Variants in ZZEF1 observed in about 807,000 individuals in gnomAD.
The protein encoded by ZZEF1 is zinc finger ZZ-type and EF-hand domain-containing protein 1.
ZZEF1 carries 157 observed loss-of-function variants against 342.8 expected under a neutral mutation model. The observed-to-expected ratio is 0.46, with a 90% CI of 0.40 to 0.52. The LOEUF (loss-of-function observed/expected upper bound fraction) is 0.52. ZZEF1 is among the 20% of genes least tolerant of loss of function. The pLI, the probability that ZZEF1 is intolerant of heterozygous loss-of-function variation, is 0.00. For missense variants in ZZEF1, 3,480 were observed against 3,725.6 expected, an observed-to-expected ratio of 0.93 and a Z score of 1.72; for synonymous variants, 1,505 against 1,429.1, an observed-to-expected ratio of 1.05 and a Z score of -1.20.
chr17:4,077,697 G>C (rs1420583054), intron 19 of ZZEF1, among the ~76,000 whole-genome samples, 186 bp downstream of exon 19: 1 of 152,134 alleles, frequency 6.6e-6, no homozygotes, highest in Non-Finnish European at 1.5e-5. Context: ...CACACTCAGA[G>C]AGTAAACTCT....
At chr17:4,134,902 C>A (rs1013775463) in intron 1 of ZZEF1, among the ~76,000 whole-genome samples, 1 of 152,066 alleles carries the variant, frequency 6.6e-6, no homozygotes, top group Admixed American at 6.5e-5. Context: ...GAGGGAGAGG[C>A]AATCTCAGGT....
At chr17:4,056,063 G>A (rs939835545) in intron 33 of ZZEF1, among the ~76,000 whole-genome samples, 153 bp downstream of exon 33, 5 of 152,158 alleles carry the variant, frequency 3.3e-5, no homozygotes, top group Admixed American at 1.3e-4. Flanking sequence ...GCCTGCATTC[G>A]GTCGCATTCA....
chr17:4,004,578 T>C lies in ZZEF1; in HGVS notation c.*2312A>G, dbSNP rs966242316. 1.3e-5 allele frequency: 2 copies of C among 152,544 alleles called. No homozygotes were observed. The highest frequency in any genetic ancestry group is 4.8e-5 in the African/African-American group (2 of 41,452). 9.4% of individuals were successfully genotyped at this position (152,544 alleles called of 1,614,324 possible). A position where few individuals can be genotyped will look rare whatever the true frequency, so the allele number is the denominator to read the frequency against. On this transcript the variant is annotated 3_prime_UTR_variant, in exon 55 of 55. Coordinates refer to ENST00000381638, the MANE Select transcript of ZZEF1 (RefSeq NM_015113.4). ...AATTCTTTCAACCAAATAAGAAAAA[T>C]TCAAAATCGTAAACCCGTAAGAAAA...
Position 4,013,445 on chromosome 17 carries a change from T to C in ZZEF1, c.8579+4A>G. ...AAAGGGCTGCCATCCGGGACACCGC[T>C]TACCTGTGGCCGCAGCATCGCACAA... On this transcript the variant is annotated splice_donor_region_variant and intron_variant, in intron 52 of 54. Transcript: ENST00000381638. The C allele has an allele frequency of 6.2e-7, 1 of 1,604,916 alleles. No individual in the cohort carries two copies. The highest frequency in any genetic ancestry group is 8.5e-7 in the Non-Finnish European group (1 of 1,174,288).
chr17:4,018,427 CTTTTT>C (rs1006979506), intron 46 of ZZEF1, among the ~76,000 whole-genome samples: 5 of 149,586 alleles, frequency 3.3e-5, no homozygotes, highest in Admixed American at 1.3e-4. Context: ...CCCTTCTCTC[CTTTTT>C]TTTTTAAATT....
chr17:4,071,046 A>G, intron 25 of ZZEF1, 122 bp from the exon 26 acceptor site: 2 of 1,199,966 alleles, frequency 1.7e-6, no homozygotes, highest in Non-Finnish European at 2.3e-6. Flanking sequence ...GGAAGTTTAA[A>G]TCTATTTTAG....
In ZZEF1 at chr17:4,014,602, A is replaced by G. The variant is rs1597755082; in HGVS notation, c.8146-87T>C. ...GTCCCATGCCGAGTCCTGTGGCTGG[A>G]CCCGGGTGTGTGAGAATGAGTGAAC... On this transcript the variant is annotated intron_variant, in intron 49 of 54. Transcript: ENST00000381638. This position sits in a 1 kb window ranked among gnomAD's most constrained non-coding sequence, Gnocchi z 4.4. 17 of 1,437,578 alleles carry G rather than the reference A, an allele frequency of 1.2e-5. No individual in the cohort carries two copies. The highest frequency in any genetic ancestry group is 1.6e-5 in the Non-Finnish European group (17 of 1,035,244). The allele number at this position is 1,437,578 out of a possible 1,614,324, so 89.1% of individuals were successfully genotyped here.
intron 52 of ZZEF1, among the ~76,000 whole-genome samples, chr17:4,010,492 A>C (rs989080571): frequency 2.6e-5 from 4 of 152,056 alleles, no homozygotes; most frequent in Non-Finnish European, 5.9e-5. Context: ...AGGCCAAGGC[A>C]GGCGGATCAC....
chr17:4,040,107 T>G (rs1041041680), intron 39 of ZZEF1, among the ~76,000 whole-genome samples: 3 of 152,214 alleles, frequency 2.0e-5, no homozygotes, highest in African/African-American at 7.2e-5. Flanking sequence ...TCTCATCGGT[T>G]GTTCTAGATG....
At chr17:4,066,018 T>A (rs553491067) in intron 28 of ZZEF1, among the ~76,000 whole-genome samples, 15 of 151,854 alleles carry the variant, frequency 9.9e-5, no homozygotes, top group South Asian at 2.1e-4. Context: ...GAAAAAAAAA[T>A]TTGCCAGGTG....
chr17:4,101,500 T>C (rs907203642), intron 9 of ZZEF1, among the ~76,000 whole-genome samples: 11 of 152,212 alleles, frequency 7.2e-5, no homozygotes, highest in African/African-American at 2.6e-4. Context: ...TATCACGAGA[T>C]AAGGAAAGAG....
chr17:4,064,243 G>C, intron 29 of ZZEF1, 118 bp downstream of exon 29: 1 of 846,148 alleles, frequency 1.2e-6, no homozygotes, highest in Admixed American at 2.6e-5. Flanking sequence ...TCTAAAACAA[G>C]TCTTGATCTA....
At chr17:4,022,652 C>A in intron 44 of ZZEF1, 57 bp downstream of exon 44, 2 of 1,610,170 alleles carry the variant, frequency 1.2e-6, no homozygotes, top group South Asian at 2.2e-5. Flanking sequence ...GCTTCTAACT[C>A]CTAGGCCAGC....
At chr17:4,020,986 ACAT>A in intron 45 of ZZEF1, 140 bp downstream of exon 45, 1 of 873,580 alleles carries the variant, frequency 1.1e-6, no homozygotes, top group South Asian at 1.8e-5. Flanking sequence ...ATTCTGCACA[ACAT>A]AAGACTGAGT....
chr17:4,076,157 A>C (rs992938232), intron 21 of ZZEF1: 2 of 55,340 alleles, frequency 3.6e-5, no homozygotes, highest in African/African-American at 1.8e-4. Context: ...TTTGAGACGG[A>C]GTCTCGCTCT....
rs147091115 is a variant in ZZEF1, at chr17:4,021,297, G to C, written c.7236C>G (p.Ser2412=). The C allele has an allele frequency of 7.4e-6, 12 of 1,611,476 alleles. No homozygotes were observed. The highest frequency in any genetic ancestry group is 1.3e-5 in the African/African-American group (1 of 74,506). ...DLEILSIMLY[S]SKKEINALAE... is the part of the protein sequence containing the mutation. ...CCAAAGCGTTGATCTCCTTTTTTGAGGAGTACAGCATGATGGACAAAATCT... is the reference window on the plus strand; with the variant it reads ...CCAAAGCGTTGATCTCCTTTTTTGACGAGTACAGCATGATGGACAAAATCT... Residue 2412 remains serine, a synonymous_variant, in exon 45 of 55, where the codon TCC becomes TCG. Coordinates refer to ENST00000381638, the MANE Select transcript of ZZEF1 (RefSeq NM_015113.4).
At chr17:4,054,263 C>T in intron 33 of ZZEF1, 68 bp from the exon 34 acceptor site, 1 of 1,516,040 alleles carries the variant, frequency 6.6e-7, no homozygotes, top group Admixed American at 1.8e-5. Flanking sequence ...CTAATCAATT[C>T]CTCCATTCAC....
intron 54 of ZZEF1, 145 bp from the exon 55 acceptor site, chr17:4,007,115 G>A: frequency 1.5e-6 from 1 of 688,934 alleles, no homozygotes; most frequent in Admixed American, 3.0e-5. Context: ...GGCCTGCAGA[G>A]TGGAGAGAGA....
chr17:4,085,850 C>T (rs773443026), intron 15 of ZZEF1, 47 bp from the exon 16 acceptor site: 33 of 1,606,254 alleles, frequency 2.1e-5, no homozygotes, highest in South Asian at 5.5e-5. Flanking sequence ...TCCATCTATT[C>T]GCTTATACAT....
Sources: gnomAD v4.1 joint callset for allele counts (sites outside exome capture counted in the v4.1 genomes callset) on GRCh38, gnomAD v4.1.1 for gene constraint, Gnocchi (gnomAD v3.1) non-coding constraint, MANE v1.5 for transcripts, NCBI Gene and HGNC (gene_info 2026-07-23, HGNC 2026-07-21) for gene names.